ELOVL5: variants seen among roughly 807,000 people sequenced by gnomAD.
ELOVL5 encodes very long chain fatty acid elongase 5.
Under a neutral mutation model 38.6 loss-of-function variants are expected in ELOVL5, and 8 were observed. The observed-to-expected ratio is 0.21, with a 90% confidence interval of 0.12 to 0.37. ELOVL5 has a LOEUF of 0.37. ELOVL5 is among the 10% of genes least tolerant of loss of function. ELOVL5 has a pLI of 1.00. For missense variants in ELOVL5, 280 were observed against 367.8 expected, an observed-to-expected ratio of 0.76 and a Z score of 1.95; for synonymous variants, 127 against 133.7, an observed-to-expected ratio of 0.95 and a Z score of 0.34.
chr6:53,324,747 T>C (rs912243218), intron 1 of ELOVL5, among the ~76,000 whole-genome samples: 1 of 149,760 alleles, frequency 6.7e-6, no homozygotes, highest in Non-Finnish European at 1.5e-5. Context: ...GCAACGACTC[T>C]GGGATAACTA....
intron 1 of ELOVL5, among the ~76,000 whole-genome samples, chr6:53,308,430 T>C (rs958288241): frequency 6.6e-6 from 1 of 152,180 alleles, no homozygotes; most frequent in Admixed American, 6.5e-5. Context: ...TGACCAATTA[T>C]TGATTGCTCA....
At chr6:53,297,183 A>T (rs141890337) in intron 1 of ELOVL5, among the ~76,000 whole-genome samples, 1 of 152,218 alleles carries the variant, frequency 6.6e-6, no homozygotes, top group East Asian at 1.9e-4. Context: ...CCAGCTCCCC[A>T]TACCCATCTG....
chr6:53,347,534 G>C (rs1769607897), intron 1 of ELOVL5, among the ~76,000 whole-genome samples: 1 of 152,174 alleles, frequency 6.6e-6, no homozygotes, highest in South Asian at 2.1e-4. Flanking sequence ...AAGCGGTTAG[G>C]AGAATGAGTT....
chr6:53,286,555 G>A (rs1235404668), intron 3 of ELOVL5, among the ~76,000 whole-genome samples: 1 of 151,906 alleles, frequency 6.6e-6, no homozygotes, highest in Admixed American at 6.6e-5. Context: ...TAACAGAGCC[G>A]GACTCTGTCT....
At chr6:53,342,997 GGGAACCAAAAA>G (rs1431027967) in intron 1 of ELOVL5, among the ~76,000 whole-genome samples, 2 of 152,166 alleles carry the variant, frequency 1.3e-5, no homozygotes, top group Non-Finnish European at 2.9e-5. Context: ...ACACGCCAGT[GGGAACCAAAAA>G]GGCTGGTAAT....
At chr6:53,346,831 G>A (rs1445951730) in intron 1 of ELOVL5, among the ~76,000 whole-genome samples, 1 of 152,186 alleles carries the variant, frequency 6.6e-6, no homozygotes, top group African/African-American at 2.4e-5. Context: ...AGCAAAAGAA[G>A]AGGTAGTGGA....
At chr6:53,339,289 C>G (rs1442076965) in intron 1 of ELOVL5, among the ~76,000 whole-genome samples, 2 of 152,126 alleles carry the variant, frequency 1.3e-5, no homozygotes, top group Non-Finnish European at 2.9e-5. Flanking sequence ...TTTTGTGATT[C>G]TCTTATTTTA....
At chr6:53,306,151 G>T (rs1767531146) in intron 1 of ELOVL5, among the ~76,000 whole-genome samples, 1 of 148,262 alleles carries the variant, frequency 6.7e-6, no homozygotes, top group African/African-American at 2.5e-5. Context: ...CGAGATGGCA[G>T]CAGCACAGTC....
intron 1 of ELOVL5, among the ~76,000 whole-genome samples, chr6:53,310,524 G>C (rs1767786686): frequency 6.6e-6 from 1 of 152,184 alleles, no homozygotes; most frequent in Non-Finnish European, 1.5e-5. Context: ...CTGTTAAGTA[G>C]CTCACAAAGT....
At chr6:53,334,518 T>C (rs1259523221) in intron 1 of ELOVL5, among the ~76,000 whole-genome samples, 2 of 152,146 alleles carry the variant, frequency 1.3e-5, no homozygotes, top group African/African-American at 4.8e-5. Context: ...GGCTAAACAC[T>C]GGAAAAATCT....
chr6:53,348,402 G>A (rs1769670578), intron 1 of ELOVL5, among the ~76,000 whole-genome samples: 2 of 151,384 alleles, frequency 1.3e-5, no homozygotes, highest in Admixed American at 1.3e-4. Context: ...GCGCTCCCCC[G>A]GCTCTCCCGC....
chr6:53,338,678 A>C (rs1367864101), intron 1 of ELOVL5, among the ~76,000 whole-genome samples: 1 of 152,200 alleles, frequency 6.6e-6, no homozygotes, highest in Non-Finnish European at 1.5e-5. Context: ...TAAACATCTA[A>C]ACCAAAAGAC....
chr6:53,330,882 T>C (rs1768771684), intron 1 of ELOVL5, among the ~76,000 whole-genome samples: 1 of 152,210 alleles, frequency 6.6e-6, no homozygotes, highest in Non-Finnish European at 1.5e-5. Flanking sequence ...ACTCAGGATC[T>C]TCAATATCAC....
At chr6:53,317,819 G>A (rs1768118113) in intron 1 of ELOVL5, among the ~76,000 whole-genome samples, 1 of 137,982 alleles carries the variant, frequency 7.2e-6, no homozygotes, top group African/African-American at 2.9e-5. Flanking sequence ...AAAAAAAGAT[G>A]AGAACAAAAA....
chr6:53,320,145 T>C (rs1768237576), intron 1 of ELOVL5, among the ~76,000 whole-genome samples: 1 of 151,832 alleles, frequency 6.6e-6, no homozygotes, highest in South Asian at 2.1e-4. Context: ...CAAAACCCTG[T>C]CTCTACTAAA....
At chr6:53,306,096 CGGCAGGCGGA>C (rs1767528070) in intron 1 of ELOVL5, among the ~76,000 whole-genome samples, 2 of 150,222 alleles carry the variant, frequency 1.3e-5, no homozygotes, top group South Asian at 4.3e-4. Context: ...TGCAGGCACT[CGGCAGGCGGA>C]GGCAGGAGAA....
chr6:53,306,421 A>T (rs987367040), intron 1 of ELOVL5, among the ~76,000 whole-genome samples: 1 of 149,452 alleles, frequency 6.7e-6, no homozygotes, highest in African/African-American at 2.5e-5. Flanking sequence ...CACACCTCTT[A>T]AACATTCAAG....
intron 1 of ELOVL5, among the ~76,000 whole-genome samples, chr6:53,299,641 G>C (rs1196559572): frequency 6.6e-6 from 1 of 152,198 alleles, no homozygotes; most frequent in African/African-American, 2.4e-5. Flanking sequence ...GTGGAATTTA[G>C]TATTTGGAGA....
At chr6:53,278,646 T>C (rs1171454838) in intron 3 of ELOVL5, among the ~76,000 whole-genome samples, 1 of 152,144 alleles carries the variant, frequency 6.6e-6, no homozygotes, top group Non-Finnish European at 1.5e-5. Flanking sequence ...TCCTGAAGCA[T>C]AAACCAGGTA....
Sources: gnomAD v4.1 joint callset for allele counts (sites outside exome capture counted in the v4.1 genomes callset) on GRCh38, gnomAD v4.1.1 for gene constraint, MANE v1.5 for transcripts, NCBI Gene and HGNC (gene_info 2026-07-23, HGNC 2026-07-21) for gene names.